PAK6: variants seen among roughly 807,000 people sequenced by gnomAD.
PAK6 encodes p21 (RAC1) activated kinase 6.
In PAK6, 33 loss-of-function variants were observed where a neutral mutation model predicts 60.8. The observed-to-expected ratio is 0.54, with a 90% CI of 0.41 to 0.73. The LOEUF (loss-of-function observed/expected upper bound fraction) is 0.73. Ranked by LOEUF, PAK6 falls within the 30% of genes least tolerant of loss-of-function variation. PAK6 has a pLI of 0.00. For synonymous variants in PAK6, 404 were observed against 378.5 expected (o/e 1.07, Z -0.78); for missense variants, 845 against 904.1 (o/e 0.93, Z 0.84).
intron 5 of PAK6, 51 bp downstream of exon 5, chr15:40,266,546 A>G: frequency 6.7e-7 from 1 of 1,490,364 alleles, no homozygotes. Context: ...GGGTGTAGGG[A>G]CACAGGCCTT....
chr15:40,252,465 G>A, intron 2 of PAK6: 6 of 1,362,014 alleles, frequency 4.4e-6, no homozygotes, highest in Non-Finnish European at 5.9e-6. Context: ...GGGGCTCCTG[G>A]CCAAGGCCCC....
chr15:40,274,067 C>T, intron 9 of PAK6, 75 bp from the exon 10 acceptor site: 2 of 1,553,542 alleles, frequency 1.3e-6, no homozygotes, highest in Non-Finnish European at 1.8e-6. Context: ...CCCCCTCCAC[C>T]ACTGCTGCCA....
intron 5 of PAK6, among the ~76,000 whole-genome samples, chr15:40,269,797 T>C (rs2039251038): frequency 6.6e-6 from 1 of 152,158 alleles, no homozygotes; most frequent in South Asian, 2.1e-4. Context: ...GGCTCCGCCC[T>C]GAGCCCAGCC....
chr15:40,264,427 TA>T (rs1566852170), intron 3 of PAK6: 1 of 474,794 alleles, frequency 2.1e-6, no homozygotes, highest in Admixed American at 2.3e-5. Context: ...TCCCCATTTT[TA>T]AAATTCGTTG....
exon 11 of PAK6, chr15:40,275,969 C>T (rs756797198): frequency 1.1e-5 from 17 of 1,613,252 alleles, no homozygotes; most frequent in South Asian, 9.9e-5. Context: ...GATGCTGGTG[C>T]GGGACCCCCA....
At chr15:40,248,420 A>G (rs572307816) in intron 2 of PAK6, among the ~76,000 whole-genome samples, 3 of 151,832 alleles carry the variant, frequency 2.0e-5, no homozygotes, top group South Asian at 4.2e-4. Context: ...GTGGGCAGCG[A>G]CCCCTCTAGG....
chr15:40,263,432 C>T (rs754491794), intron 3 of PAK6, among the ~76,000 whole-genome samples: 16 of 152,112 alleles, frequency 1.1e-4, no homozygotes, highest in African/African-American at 3.1e-4. Flanking sequence ...CCCCTGAAGG[C>T]GAAACTAGAG....
At chr15:40,273,642 C>T in exon 9 of PAK6, 1 of 1,614,092 alleles carries the variant, frequency 6.2e-7, no homozygotes, top group Non-Finnish European at 8.5e-7. Flanking sequence ...TGGATGGCTC[C>T]TGAAGTGATC....
intron 5 of PAK6, chr15:40,266,745 T>C: frequency 2.3e-6 from 1 of 437,710 alleles, no homozygotes; most frequent in Non-Finnish European, 4.0e-6. Flanking sequence ...TGTTCCCAAG[T>C]GTGTGGCCAT....
intron 2 of PAK6, among the ~76,000 whole-genome samples, chr15:40,243,803 T>A (rs542796788): frequency 6.6e-6 from 1 of 152,176 alleles, no homozygotes; most frequent in African/African-American, 2.4e-5. Context: ...GACTTGGAGG[T>A]CTTGAGGACT....
Position 40,266,396 on chromosome 15 carries a change from G to A in PAK6, c.759G>A (p.Glu253=), listed in dbSNP as rs374286048. 4.3e-6 allele frequency: 7 copies of A among 1,613,088 alleles called. No homozygotes were observed. In the African/African-American group the frequency reaches 9.3e-5, roughly 22 times the overall value. ...GCAGCCCTAGCCCTAAGACCCGGGA[G>A]AGCAGCCTGAAGCGCAGGCTATTCC... Residue 253 remains glutamate, a synonymous_variant, in exon 5 of 11, where the codon GAG becomes GAA. Transcript: ENST00000560346.
In PAK6 at chr15:40,257,320, T is replaced by G. The variant is rs369900984; in HGVS notation, c.-6+4031T>G. ...CCCTCCGGGTGGCTGCAAACCCCTT[T>G]AGACTCACTTTCTGGAAGCCAGCTT... On this transcript the variant is annotated intron_variant, in intron 3 of 10. Coordinates refer to ENST00000560346, the Ensembl canonical transcript of PAK6. 2.6e-5 allele frequency among the ~76,000 whole-genome samples: 4 copies of G among 152,368 alleles called. No homozygotes were observed. The East Asian group carries it at 7.7e-4, about 29-fold the overall frequency.
intron 2 of PAK6, among the ~76,000 whole-genome samples, chr15:40,249,003 A>AACAACAGAAATTTATTTCTC (rs1198657706): frequency 3.3e-5 from 5 of 152,046 alleles, no homozygotes; most frequent in African/African-American, 1.2e-4. Context: ...GTGGCTTATA[A>AACAACAGAAATTTATTTCTC]ACAACAGAAA....
At chr15:40,267,883 C>T (rs1037133246) in intron 5 of PAK6, among the ~76,000 whole-genome samples, 6 of 152,150 alleles carry the variant, frequency 3.9e-5, no homozygotes, top group Non-Finnish European at 8.8e-5. Flanking sequence ...AGGTGAGATT[C>T]GGAGCTTGAC....
intron 3 of PAK6, chr15:40,258,459 T>A (rs34071118): frequency 2.0e-5 from 3 of 152,210 alleles, no homozygotes; most frequent in Non-Finnish European, 4.4e-5. Flanking sequence ...GATTTGTGGA[T>A]AACAATTCCT....
At chr15:40,256,332 A>G (rs1355141273) in intron 3 of PAK6, among the ~76,000 whole-genome samples, 1 of 152,196 alleles carries the variant, frequency 6.6e-6, no homozygotes, top group East Asian at 1.9e-4. Context: ...GTTCGCGGTA[A>G]TTCTCAGCCA....
chr15:40,240,370 C>T (rs1324865583), intron 1 of PAK6, among the ~76,000 whole-genome samples: 1 of 152,128 alleles, frequency 6.6e-6, no homozygotes, highest in Non-Finnish European at 1.5e-5. Flanking sequence ...CTGGTCCCCA[C>T]AGGGCATGCC....
intron 2 of PAK6, among the ~76,000 whole-genome samples, chr15:40,243,423 T>G (rs757418990): frequency 2.6e-5 from 4 of 152,186 alleles, no homozygotes; most frequent in Admixed American, 6.5e-5. Flanking sequence ...CCAACAGAGA[T>G]AATTATAGTA....
intron 5 of PAK6, among the ~76,000 whole-genome samples, chr15:40,271,184 G>C (rs891435095): frequency 6.6e-6 from 1 of 152,208 alleles, no homozygotes; most frequent in African/African-American, 2.4e-5. Flanking sequence ...CCCTGGGAGG[G>C]GTCATGGTGC....
Sources: gnomAD v4.1 joint callset for allele counts (sites outside exome capture counted in the v4.1 genomes callset) on GRCh38, gnomAD v4.1.1 for gene constraint, MANE v1.5 for transcripts, NCBI Gene and HGNC (gene_info 2026-07-23, HGNC 2026-07-21) for gene names.